The following ATP6V1C1 variants were observed in gnomAD, a reference collection of about 807,000 sequenced individuals.
ATP6V1C1 encodes the protein ATPase H+ transporting V1 subunit C1.
Under a neutral mutation model 53.9 loss-of-function variants are expected in ATP6V1C1, and 45 were observed. That is an observed-to-expected ratio of 0.83 (90% CI 0.66 to 1.07). ATP6V1C1 has a LOEUF of 1.07. Ranked by LOEUF, ATP6V1C1 falls within the 50% of genes least tolerant of loss-of-function variation. The pLI is 0.00. For missense variants in ATP6V1C1, 315 were observed against 440.3 expected, an observed-to-expected ratio of 0.72 and a Z score of 2.55; for synonymous variants, 153 against 155.2, an observed-to-expected ratio of 0.99 and a Z score of 0.11.
intron 1 of ATP6V1C1, among the ~76,000 whole-genome samples, chr8:103,037,689 C>T (rs1175838458): frequency 4.6e-5 from 7 of 152,080 alleles, no homozygotes; most frequent in Non-Finnish European, 1.0e-4. Flanking sequence ...AATACATTCT[C>T]ATAAAAATTT....
rs552455790 is a variant in ATP6V1C1 at position 103,066,909 on chromosome 8, C to T, written c.1053+462C>T. Among the ~76,000 whole-genome samples, 350 of 151,120 alleles carry T rather than the reference C, an allele frequency of 2.3e-3. 1 individual carries two copies. The highest frequency in any genetic ancestry group is 7.9e-3 in the African/African-American group (324 of 41,158). Reference sequence around the variant, plus strand: ...GTCCCAGCAACTGAGGAGGCTGAGGCGGGAGGATCACTTGAGCCCAGGCCT... The same window carrying T: ...GTCCCAGCAACTGAGGAGGCTGAGGTGGGAGGATCACTTGAGCCCAGGCCT... On this transcript the variant is annotated intron_variant, in intron 12 of 12. Transcript: ENST00000518738.
At chr8:103,033,927 A>G (rs1427569447) in intron 1 of ATP6V1C1, among the ~76,000 whole-genome samples, 1 of 152,222 alleles carries the variant, frequency 6.6e-6, no homozygotes, top group East Asian at 1.9e-4. Context: ...AACTCAGGGA[A>G]CAGTGGAGTA....
At chr8:103,056,026 CT>C in intron 8 of ATP6V1C1, 90 bp downstream of exon 8, 1 of 1,303,428 alleles carries the variant, frequency 7.7e-7, no homozygotes, top group South Asian at 1.2e-5. Flanking sequence ...GCTGTCTTGC[CT>C]TTGTGATAAA....
chr8:103,056,037 A>C, intron 8 of ATP6V1C1, 101 bp downstream of exon 8: 1 of 1,134,186 alleles, frequency 8.8e-7, no homozygotes, highest in Non-Finnish European at 1.3e-6. Flanking sequence ...TTTGTGATAA[A>C]TTAACCTCAT....
intron 1 of ATP6V1C1, among the ~76,000 whole-genome samples, chr8:103,033,658 A>T (rs1211958098): frequency 1.3e-5 from 2 of 152,372 alleles, no homozygotes; most frequent in East Asian, 3.9e-4. Context: ...CATCCTTAGC[A>T]TATAATATAT....
intron 3 of ATP6V1C1, among the ~76,000 whole-genome samples, chr8:103,047,756 G>T (rs1364590738): frequency 6.6e-6 from 1 of 152,090 alleles, no homozygotes. Flanking sequence ...CTCATAATAT[G>T]CCCCATGGCA....
chr8:103,042,043 C>A (rs1159871318), intron 2 of ATP6V1C1, among the ~76,000 whole-genome samples: 1 of 152,136 alleles, frequency 6.6e-6, no homozygotes, highest in African/African-American at 2.4e-5. Context: ...TACTTAAGAG[C>A]CTGTGTTGTA....
Position 103,046,946 on chromosome 8 carries a change from C to T in ATP6V1C1, c.201-1924C>T, listed in dbSNP as rs548131870. Among the ~76,000 whole-genome samples, 22 of 152,240 alleles carry T rather than the reference C, an allele frequency of 1.4e-4. No individual in the cohort carries two copies. The South Asian group carries it at 2.3e-3, about 16-fold the overall frequency. On this transcript the variant is annotated intron_variant, in intron 3 of 12. Coordinates refer to ENST00000518738, the MANE Select transcript of ATP6V1C1 (RefSeq NM_001695.5). The stretch of plus-strand genomic sequence containing the variant: ...ATAAATTTGACACCAGGTGATTCTA[C>T]ACTCTGAAGTACTTCTATGGGTAAA...
intron 2 of ATP6V1C1, among the ~76,000 whole-genome samples, chr8:103,041,233 A>G (rs1816995092): frequency 6.6e-6 from 1 of 152,258 alleles, no homozygotes; most frequent in Non-Finnish European, 1.5e-5. Context: ...ATTCACAAAT[A>G]TGATTTTCAG....
intron 3 of ATP6V1C1, among the ~76,000 whole-genome samples, chr8:103,043,622 C>T (rs1277147031): frequency 5.9e-5 from 9 of 152,094 alleles, no homozygotes; most frequent in Non-Finnish European, 1.0e-4. Context: ...TGAGCCACCG[C>T]GCCCGGCTGA....
At chr8:103,064,417 T>G in intron 10 of ATP6V1C1, 1 of 190,626 alleles carries the variant, frequency 5.2e-6, no homozygotes, top group Non-Finnish European at 1.1e-5. Context: ...CTAAGGCATT[T>G]CTATATTTTG....
At chr8:103,047,450 ACACACACACACAC>A (rs1430763006) in intron 3 of ATP6V1C1, among the ~76,000 whole-genome samples, 12 of 116,174 alleles carry the variant, frequency 1.0e-4, no homozygotes, top group Non-Finnish European at 1.5e-4. Context: ...ACACACACAC[ACACACACACACAC>A]ATTTTTTTTT....
At chr8:103,035,732 G>A (rs1238352512) in intron 1 of ATP6V1C1, among the ~76,000 whole-genome samples, 2 of 152,256 alleles carry the variant, frequency 1.3e-5, no homozygotes, top group South Asian at 2.1e-4. Context: ...TACAGATGAG[G>A]AAACTAGTAA....
At chr8:103,021,594 C>T (rs1816589866) in intron 1 of ATP6V1C1, among the ~76,000 whole-genome samples, 1 of 141,188 alleles carries the variant, frequency 7.1e-6, no homozygotes, top group South Asian at 2.2e-4. Context: ...TGTGAGGTCA[C>T]AGCTAGCGCA....
intron 5 of ATP6V1C1, 31 bp downstream of exon 5, chr8:103,051,175 A>ATT (rs1817194002): frequency 2.0e-6 from 3 of 1,478,178 alleles, no homozygotes; most frequent in Non-Finnish European, 2.8e-6. Flanking sequence ...AGTAGGACAC[A>ATT]TTGATTTGTA....
chr8:103,041,647 G>A (rs190815797), intron 2 of ATP6V1C1, among the ~76,000 whole-genome samples: 44 of 152,182 alleles, frequency 2.9e-4, no homozygotes, highest in Admixed American at 1.3e-3. Context: ...TGAGGTGGGC[G>A]GATCACTTGA....
intron 1 of ATP6V1C1, among the ~76,000 whole-genome samples, chr8:103,022,525 AAATC>A (rs779921925): frequency 3.9e-5 from 6 of 152,176 alleles, no homozygotes; most frequent in East Asian, 1.9e-4. Flanking sequence ...TGGATTTTAA[AAATC>A]AAGCAAGCGT....
At chr8:103,052,894 T>G (rs1817225162) in intron 6 of ATP6V1C1, 72 bp downstream of exon 6, 1 of 941,126 alleles carries the variant, frequency 1.1e-6, no homozygotes, top group African/African-American at 1.7e-5. Context: ...GGAGATATTG[T>G]TGGGATTTAG....
At chr8:103,030,538 C>T (rs576609608) in intron 1 of ATP6V1C1, among the ~76,000 whole-genome samples, 36 of 152,288 alleles carry the variant, frequency 2.4e-4, no homozygotes, top group African/African-American at 8.4e-4. Flanking sequence ...AGACATCGGA[C>T]AATAGGCAGT....
Sources: allele counts gnomAD v4.1 joint callset (sites outside exome capture counted in the v4.1 genomes callset), GRCh38; gene constraint gnomAD v4.1.1; transcripts MANE v1.5; gene names NCBI Gene and HGNC (gene_info 2026-07-23, HGNC 2026-07-21).